COL24A1: variants seen among roughly 807,000 people sequenced by gnomAD.
COL24A1 encodes the protein collagen alpha-1(XXIV) chain.
Under a neutral mutation model 253.9 loss-of-function variants are expected in COL24A1, and 224 were observed. The ratio of observed to expected loss-of-function variants is 0.88; its 90% CI spans 0.79 to 0.99. The LOEUF (loss-of-function observed/expected upper bound fraction) is 0.99, where lower values mean the gene tolerates loss of function less well. Ranked by LOEUF, COL24A1 falls within the 50% of genes least tolerant of loss-of-function variation. The probability of loss-of-function intolerance (pLI) is 0.00; values close to 1 mark genes in which losing one functional copy is unlikely to be tolerated. For synonymous variants in COL24A1, 685 were observed against 673.7 expected (o/e 1.02, Z -0.26); for missense variants, 2,131 against 2,068.5 (o/e 1.03, Z -0.59).
At chr1:85,925,143 C>T (rs556530719) in intron 24 of COL24A1, among the ~76,000 whole-genome samples, 1 of 152,218 alleles carries the variant, frequency 6.6e-6, no homozygotes, top group Non-Finnish European at 1.5e-5. Context: ...TCAAGGAGAA[C>T]TACAAACCAC....
chr1:85,977,506 G>T (rs552025221), intron 20 of COL24A1, among the ~76,000 whole-genome samples: 1 of 152,090 alleles, frequency 6.6e-6, no homozygotes. Context: ...ATTCTCCAGA[G>T]AAACAGATAT....
Position 85,891,063 on chromosome 1 carries a change from T to C in COL24A1, c.2923-1450A>G, listed in dbSNP as rs925138424. ...TAAATTGCATCTTTTTTTCTTTTTT[T>C]TTTTTGAGACGGAGTCTCATTCTGT... On this transcript the variant is annotated intron_variant, in intron 31 of 59. Transcript: ENST00000370571. Among the ~76,000 whole-genome samples the C allele has an allele frequency of 5.4e-3, 820 of 152,084 alleles. 6 individuals carry two copies. Among genetic ancestry groups the C allele is most frequent in the African/African-American group, 0.019 (787 of 41,514 alleles).
At chr1:85,998,154 G>A (rs754303378) in intron 19 of COL24A1, among the ~76,000 whole-genome samples, 48 of 152,114 alleles carry the variant, frequency 3.2e-4, no homozygotes, top group Non-Finnish European at 5.7e-4. Context: ...TGAACTATTT[G>A]CAGTTTTCTA....
intron 43 of COL24A1, among the ~76,000 whole-genome samples, chr1:85,826,738 G>T (rs925002700): frequency 1.3e-5 from 2 of 151,448 alleles, no homozygotes; most frequent in South Asian, 2.1e-4. Flanking sequence ...TCTGTTGTTG[G>T]TGTATAAGAA....
Position 85,965,026 on chromosome 1 carries a change from C to T in COL24A1, c.2500G>A (p.Gly834Arg), listed in dbSNP as rs747543313. 1.8e-5 allele frequency: 29 copies of T among 1,610,928 alleles called. No homozygotes were observed. The East Asian group carries it at 6.3e-4, about 35-fold the overall frequency. Residue 834 changes from glycine (G) to arginine (R), a missense_variant, in exon 23 of 60, where the codon GGA becomes AGA. Gly to Arg is a moderately radical substitution (Grantham distance 125). Coordinates refer to ENST00000370571, the MANE Select transcript of COL24A1 (RefSeq NM_152890.7). ...PGQKGYAGEP[G>R]PEGLKGEVGD... is the part of the protein sequence containing the mutation. Reference sequence around the variant, plus strand: ...TGCTTTACCTTTAAGCCTTCTGGTCCTGGTTCACCTGCATACCCCTTTTGA... The same window carrying T: ...TGCTTTACCTTTAAGCCTTCTGGTCTTGGTTCACCTGCATACCCCTTTTGA...
intron 1 of COL24A1, among the ~76,000 whole-genome samples, chr1:86,151,266 G>A (rs1267934384): frequency 2.0e-5 from 3 of 151,974 alleles, no homozygotes; most frequent in Non-Finnish European, 4.4e-5. Context: ...AGTCTAGTTG[G>A]TATATTAAAC....
intron 28 of COL24A1, among the ~76,000 whole-genome samples, chr1:85,899,184 C>T (rs1684042911): frequency 6.6e-6 from 1 of 152,094 alleles, no homozygotes; most frequent in African/African-American, 2.4e-5. Flanking sequence ...TAATTCTTCT[C>T]TTTTTGCTCC....
chr1:85,945,018 T>TG (rs1689167685), intron 24 of COL24A1, among the ~76,000 whole-genome samples: 2 of 86,852 alleles, frequency 2.3e-5, no homozygotes, highest in Admixed American at 1.4e-4. Context: ...TTTTTTTTTT[T>TG]TTTTTTTTTT....
chr1:86,142,614 G>GA (rs1430482700), intron 2 of COL24A1, among the ~76,000 whole-genome samples: 4 of 151,274 alleles, frequency 2.6e-5, no homozygotes, highest in Non-Finnish European at 5.9e-5. Context: ...AGTAAGTGAT[G>GA]AAAAATCTCA....
chr1:85,922,543 T>C (rs1024303381), intron 24 of COL24A1, among the ~76,000 whole-genome samples: 10 of 152,158 alleles, frequency 6.6e-5, no homozygotes, highest in African/African-American at 2.2e-4. Context: ...GAATTTTCAA[T>C]CCAGAATTTC....
chr1:85,801,209 C>G (rs1413516779), intron 47 of COL24A1, among the ~76,000 whole-genome samples: 1 of 152,132 alleles, frequency 6.6e-6, no homozygotes, highest in Non-Finnish European at 1.5e-5. Context: ...TCTGGACCTC[C>G]TTCCCACTGT....
chr1:86,097,405 TCTC>T (rs1215701827), intron 5 of COL24A1, among the ~76,000 whole-genome samples: 3 of 151,596 alleles, frequency 2.0e-5, no homozygotes, highest in Non-Finnish European at 2.9e-5. Flanking sequence ...TCGTCTTTCT[TCTC>T]CTTTTTCTAC....
At chr1:86,151,726 G>T (rs1033350877) in intron 1 of COL24A1, among the ~76,000 whole-genome samples, 1 of 152,158 alleles carries the variant, frequency 6.6e-6, no homozygotes, top group Non-Finnish European at 1.5e-5. Context: ...TGCTTTAGGG[G>T]AATCCGAGGG....
At chr1:85,854,116 A>C (rs1678135851) in intron 37 of COL24A1, among the ~76,000 whole-genome samples, 1 of 152,330 alleles carries the variant, frequency 6.6e-6, no homozygotes, top group South Asian at 2.1e-4. Flanking sequence ...TTAAGCATTT[A>C]ATCCATCTTA....
chr1:86,042,598 T>G (rs1358298416), intron 12 of COL24A1, among the ~76,000 whole-genome samples: 2 of 152,132 alleles, frequency 1.3e-5, no homozygotes, highest in Admixed American at 1.3e-4. Context: ...ATGTGTCCAT[T>G]TCAATTGCAT....
intron 1 of COL24A1, chr1:86,154,239 A>AT (rs1653180114): frequency 2.0e-5 from 3 of 152,026 alleles, no homozygotes; most frequent in South Asian, 4.2e-4. Flanking sequence ...TCTAGAAACA[A>AT]TTTTTTCAGT....
intron 7 of COL24A1, among the ~76,000 whole-genome samples, chr1:86,070,089 A>G (rs1321183131): frequency 6.6e-6 from 1 of 152,216 alleles, no homozygotes; most frequent in Non-Finnish European, 1.5e-5. Context: ...TAACACAAAG[A>G]AGGAATTCAG....
chr1:85,975,600 G>T (rs1275263402), intron 20 of COL24A1, among the ~76,000 whole-genome samples: 1 of 152,166 alleles, frequency 6.6e-6, no homozygotes, highest in Non-Finnish European at 1.5e-5. Context: ...TTGAATGGTG[G>T]TTAGCAGAGG....
At chr1:86,044,599 C>G (rs1300534815) in intron 12 of COL24A1, among the ~76,000 whole-genome samples, 1 of 152,080 alleles carries the variant, frequency 6.6e-6, no homozygotes, top group Non-Finnish European at 1.5e-5. Context: ...ATAAGAAGAA[C>G]AGTGCAATCA....
Sources: allele counts gnomAD v4.1 joint callset (sites outside exome capture counted in the v4.1 genomes callset), GRCh38; gene constraint gnomAD v4.1.1; transcripts MANE v1.5; gene names NCBI Gene and HGNC (gene_info 2026-07-23, HGNC 2026-07-21).